FAM91A1: variants seen among roughly 807,000 people sequenced by gnomAD.
FAM91A1 encodes family with sequence similarity 91 member A1.
FAM91A1 carries 41 observed loss-of-function variants against 113.5 expected under a neutral mutation model. That is an observed-to-expected ratio of 0.36 (90% confidence interval 0.28 to 0.47). FAM91A1 has a LOEUF of 0.47. Ranked by LOEUF, FAM91A1 falls within the 20% of genes least tolerant of loss-of-function variation. FAM91A1 has a pLI of 1.00. For missense variants in FAM91A1, 696 were observed against 1,001.2 expected (o/e 0.70, Z 4.11); for synonymous variants, 307 against 347.9 (o/e 0.88, Z 1.31).
chr8:123,787,238 T>C (rs1260477044), intron 12 of FAM91A1, 23 bp from the exon 13 acceptor site: 2 of 1,531,262 alleles, frequency 1.3e-6, no homozygotes, highest in Non-Finnish European at 1.8e-6. Context: ...ATTTACTTGA[T>C]TTTAAATTAT....
intron 8 of FAM91A1, among the ~76,000 whole-genome samples, chr8:123,780,878 C>T (rs1224315470): frequency 6.6e-6 from 1 of 152,078 alleles, no homozygotes; most frequent in Non-Finnish European, 1.5e-5. Flanking sequence ...ATTGTATGTT[C>T]TCATTTTCAC....
chr8:123,803,120 A>G (rs1047998328), intron 18 of FAM91A1, among the ~76,000 whole-genome samples: 6 of 152,202 alleles, frequency 3.9e-5, no homozygotes, highest in African/African-American at 7.2e-5. Context: ...CTTGGATAAC[A>G]TAGTGAAACC....
At chr8:123,786,171 G>A (rs1338433376) in intron 11 of FAM91A1, 1 of 275,384 alleles carries the variant, frequency 3.6e-6, no homozygotes, top group Non-Finnish European at 7.0e-6. Flanking sequence ...TTATATTAGT[G>A]ATTTTTAATC....
chr8:123,785,541 T>C (rs1815230881), intron 10 of FAM91A1, 88 bp from the exon 11 acceptor site: 1 of 855,540 alleles, frequency 1.2e-6, no homozygotes, highest in Non-Finnish European at 1.9e-6. Context: ...AGAATCACTA[T>C]TAGTCTATTA....
At chr8:123,804,468 G>A (rs1421764192) in intron 18 of FAM91A1, among the ~76,000 whole-genome samples, 2 of 110,760 alleles carry the variant, frequency 1.8e-5, no homozygotes, top group Non-Finnish European at 3.4e-5. Flanking sequence ...TCCAGTCTGA[G>A]TAACAGAGCA....
In FAM91A1 at chr8:123,778,931, G is replaced by A. The variant is rs143205508; in HGVS notation, c.549+159G>A. ...AATGATCTTAGTAGACTAGAATATT[G>A]GTGAGTTTTTGAGATACTCTTTAAT... is the stretch of plus-strand genomic sequence containing the variant. On this transcript the variant is annotated intron_variant, in intron 6 of 23. Coordinates refer to ENST00000334705, the MANE Select transcript of FAM91A1 (RefSeq NM_144963.4). Among the ~76,000 whole-genome samples, 653 of 152,232 alleles carry A rather than the reference G, an allele frequency of 4.3e-3. 8 individuals carry two copies. The highest frequency in any genetic ancestry group is 0.015 in the African/African-American group (626 of 41,530).
intron 15 of FAM91A1, among the ~76,000 whole-genome samples, chr8:123,793,349 C>T (rs1350731784): frequency 1.3e-5 from 2 of 152,162 alleles, no homozygotes; most frequent in Non-Finnish European, 2.9e-5. Context: ...TGGTTCTTGC[C>T]TGAACCATTC....
chr8:123,770,816 A>G (rs1206735882), intron 1 of FAM91A1, among the ~76,000 whole-genome samples: 2 of 152,232 alleles, frequency 1.3e-5, no homozygotes, highest in Non-Finnish European at 1.5e-5. Flanking sequence ...AATCACTTGA[A>G]AAACAGTGGC....
intron 10 of FAM91A1, 38 bp from the exon 11 acceptor site, chr8:123,785,591 T>G (rs1415848260): frequency 3.0e-6 from 4 of 1,353,780 alleles, no homozygotes; most frequent in Non-Finnish European, 3.1e-6. Context: ...GTCTAGTTTA[T>G]TTTAAATGGT....
At chr8:123,784,365 C>T (rs951667678) in intron 8 of FAM91A1, 105 bp from the exon 9 acceptor site, 1 of 735,222 alleles carries the variant, frequency 1.4e-6, no homozygotes, top group Non-Finnish European at 2.1e-6. Context: ...AAGCTGCATT[C>T]AGTCCCTAAG....
At chr8:123,795,125 T>C (rs1815480823) in intron 15 of FAM91A1, among the ~76,000 whole-genome samples, 1 of 152,210 alleles carries the variant, frequency 6.6e-6, no homozygotes, top group African/African-American at 2.4e-5. Flanking sequence ...ATAATTAATA[T>C]TCTCTTAAGC....
intron 1 of FAM91A1, 134 bp from the exon 2 acceptor site, chr8:123,773,946 T>G (rs1242164240): frequency 1.5e-6 from 1 of 653,028 alleles, no homozygotes; most frequent in Non-Finnish European, 2.6e-6. Context: ...TAAGAAAATA[T>G]TTTTTATTTA....
At chr8:123,781,657 G>A (rs565697013) in intron 8 of FAM91A1, among the ~76,000 whole-genome samples, 1 of 151,812 alleles carries the variant, frequency 6.6e-6, no homozygotes, top group East Asian at 1.9e-4. Flanking sequence ...TACTCTACAG[G>A]TAAAACCCAT....
In FAM91A1 at chr8:123,789,710, T is replaced by G. The variant is rs1424915901; in HGVS notation, c.1376T>G (p.Val459Gly). 1 of 1,613,504 alleles carries G rather than the reference T, an allele frequency of 6.2e-7. No homozygotes were observed. The highest frequency in any genetic ancestry group is 8.5e-7 in the Non-Finnish European group (1 of 1,179,806). Reference sequence around the variant, plus strand: ...TTTCTGCGTCATAACAAAGATCTAGTTGCGCAAACTGCACAGCCAGACCAA... The same window carrying G: ...TTTCTGCGTCATAACAAAGATCTAGGTGCGCAAACTGCACAGCCAGACCAA... ...ILFLRHNKDLVAQTAQPDQPN... is the reference protein window; with the variant it reads ...ILFLRHNKDLGAQTAQPDQPN... The change falls in exon 15 of 24, where the codon GTT (valine) becomes GGT (glycine). Residue 459 changes from valine to glycine, a missense_variant. Val to Gly is a moderately radical substitution (Grantham distance 109). Transcript: ENST00000334705.
At chr8:123,780,673 A>G in intron 8 of FAM91A1, 131 bp downstream of exon 8, 1 of 651,066 alleles carries the variant, frequency 1.5e-6, no homozygotes, top group Non-Finnish European at 2.5e-6. Flanking sequence ...TTACATTTTA[A>G]CATAGTACAT....
intron 12 of FAM91A1, 107 bp from the exon 13 acceptor site, chr8:123,787,154 A>G (rs1815277997): frequency 2.4e-6 from 2 of 817,188 alleles, no homozygotes; most frequent in Admixed American, 2.5e-5. Flanking sequence ...TTTTAAAATT[A>G]TGTACTTTCT....
intron 12 of FAM91A1, among the ~76,000 whole-genome samples, 192 bp from the exon 13 acceptor site, chr8:123,787,069 G>T (rs16898866): frequency 6.6e-6 from 1 of 152,120 alleles, no homozygotes; most frequent in African/African-American, 2.4e-5. Flanking sequence ...CAAGGCCTAG[G>T]GTTAAATGCT....
chr8:123,787,846 C>A, intron 14 of FAM91A1, 96 bp downstream of exon 14: 2 of 940,216 alleles, frequency 2.1e-6, no homozygotes, highest in Non-Finnish European at 3.2e-6. Flanking sequence ...TTTGGATGGG[C>A]TTTCAGTGTA....
chr8:123,777,120 G>A (rs968604801), intron 3 of FAM91A1, 145 bp from the exon 4 acceptor site: 1 of 585,120 alleles, frequency 1.7e-6, no homozygotes. Flanking sequence ...GCCACAGGGT[G>A]GCATGTATGC....
Sources: allele counts gnomAD v4.1 joint callset (sites outside exome capture counted in the v4.1 genomes callset), GRCh38; gene constraint gnomAD v4.1.1; transcripts MANE v1.5; gene names NCBI Gene and HGNC (gene_info 2026-07-23, HGNC 2026-07-21).